Variants in DHRSX observed in about 807,000 individuals in gnomAD.
DHRSX encodes polyprenol dehydrogenase.
A neutral mutation model predicts 34.0 loss-of-function variants in DHRSX; 31 were observed. That is an observed-to-expected ratio of 0.91 (90% CI 0.69 to 1.23). The LOEUF (loss-of-function observed/expected upper bound fraction) is 1.23, where lower values mean the gene tolerates loss of function less well. DHRSX is among the 50% of genes most tolerant of loss of function. DHRSX has a pLI of 0.00. For synonymous variants in DHRSX, 201 were observed against 183.8 expected (o/e 1.09, Z -0.76); for missense variants, 414 against 428.1 (o/e 0.97, Z 0.29).
intron 1 of DHRSX, among the ~76,000 whole-genome samples, chrX:2,452,345 T>TTG (rs1289459423): frequency 1.1e-4 from 16 of 149,488 alleles, no homozygotes; most frequent in Admixed American, 7.3e-4. Flanking sequence ...ACTGAAGACG[T>TTG]TCCCTAGGCA....
In DHRSX at chrX:2,284,977, G is replaced by A. The variant is rs139700087; in HGVS notation, c.388+6525C>T. Among the ~76,000 whole-genome samples the A allele has an allele frequency of 4.9e-4, 75 of 152,288 alleles. 1 individual carries two copies. The highest frequency in any genetic ancestry group is 1.8e-3 in the African/African-American group (73 of 41,570). ...AGTCACCCTGGCTGAGCTCAGCTGGGGCTGTTTTCCATGAGACTTGAGGCA... is the reference window on the plus strand; with the variant it reads ...AGTCACCCTGGCTGAGCTCAGCTGGAGCTGTTTTCCATGAGACTTGAGGCA... On this transcript the variant is annotated intron_variant, in intron 4 of 6. Transcript: ENST00000334651.
At chrX:2,295,728 T>C (rs1470330121) in intron 3 of DHRSX, among the ~76,000 whole-genome samples, 2 of 152,158 alleles carry the variant, frequency 1.3e-5, no homozygotes, top group Non-Finnish European at 2.9e-5. Context: ...GTGTAACTAA[T>C]ACACAAAATG....
chrX:2,317,545 T>C (rs2042255561), intron 3 of DHRSX, among the ~76,000 whole-genome samples: 1 of 151,302 alleles, frequency 6.6e-6, no homozygotes, highest in Non-Finnish European at 1.5e-5. Flanking sequence ...AGCCACTGCG[T>C]GCGGCCCTGT....
At position 2,220,866 on chromosome X, in the gene DHRSX, T is replaced by C; in HGVS notation, c.*175A>G. ...CTTGGGGTGATTATCCTCCAAAATG[T>C]TTATTTGGCTTCTTGAAGTTCTGCA... On this transcript the variant is annotated 3_prime_UTR_variant, in exon 7 of 7. Coordinates refer to ENST00000334651, the MANE Select transcript of DHRSX (RefSeq NM_145177.3). 1.7e-6 allele frequency: 1 copy of C among 573,944 alleles called. No homozygotes were observed. 35.6% of individuals were successfully genotyped at this position (573,944 alleles called of 1,614,324 possible). A position where few individuals can be genotyped will look rare whatever the true frequency, so the allele number is the denominator to read the frequency against.
intron 3 of DHRSX, among the ~76,000 whole-genome samples, chrX:2,401,061 T>C (rs2043479317): frequency 6.6e-6 from 1 of 151,870 alleles, no homozygotes; most frequent in African/African-American, 2.4e-5. Flanking sequence ...CTAGTCCCTC[T>C]TCTGATGAAG....
At chrX:2,468,695 C>G (rs28412126) in intron 1 of DHRSX, among the ~76,000 whole-genome samples, 7 of 147,694 alleles carry the variant, frequency 4.7e-5, no homozygotes, top group Non-Finnish European at 3.0e-5. Context: ...ACTGAAGACG[C>G]TCCCAAAGAA....
chrX:2,325,179 G>A (rs1049424720), intron 3 of DHRSX, among the ~76,000 whole-genome samples: 1 of 152,130 alleles, frequency 6.6e-6, no homozygotes, highest in Non-Finnish European at 1.5e-5. Context: ...TTGTACGGGT[G>A]AATGTCGGGA....
rs182377541 is a variant in DHRSX, at chrX:2,376,501, C to T, written c.286+32244G>A. ...TGATTCTGCCCCTAGCCTTGGGTGA[C>T]GTGGGTTTAACTGTGACCTCACCAA... On this transcript the variant is annotated intron_variant, in intron 3 of 6. Transcript: ENST00000334651. 1.0e-4 allele frequency among the ~76,000 whole-genome samples: 14 copies of T among 137,282 alleles called. 2 individuals carry two copies. The highest frequency in any genetic ancestry group is 4.6e-4 in the South Asian group (2 of 4,318). The allele number at this position is 137,282 out of a possible 152,430, so 90.1% of individuals were successfully genotyped here.
At chrX:2,350,819 G>A (rs2042780208) in intron 3 of DHRSX, among the ~76,000 whole-genome samples, 1 of 152,058 alleles carries the variant, frequency 6.6e-6, no homozygotes, top group Non-Finnish European at 1.5e-5. Flanking sequence ...GCAAAGACTT[G>A]GAACCAACCC....
chrX:2,275,748 C>T (rs2041620780), intron 4 of DHRSX, among the ~76,000 whole-genome samples: 2 of 151,794 alleles, frequency 1.3e-5, no homozygotes, highest in African/African-American at 4.8e-5. Context: ...GAGGTTGTGC[C>T]ACTGCACTCC....
chrX:2,222,105 C>T (rs1256122946), intron 6 of DHRSX, among the ~76,000 whole-genome samples: 1 of 152,204 alleles, frequency 6.6e-6, no homozygotes, highest in Non-Finnish European at 1.5e-5. Flanking sequence ...CCCTTCCAGA[C>T]ACAGAATCTG....
chrX:2,425,220 C>T lies in DHRSX; in HGVS notation c.194G>A (p.Arg65Lys). The T allele has an allele frequency of 6.2e-7, 1 of 1,613,714 alleles. No individual in the cohort carries two copies. Among genetic ancestry groups the T allele is most frequent in the Non-Finnish European group, 8.5e-7 (1 of 1,179,776 alleles). The change falls in exon 2 of 7, where the codon AGA becomes AAA. Residue 65 changes from arginine to lysine, a missense_variant. Arg to Lys is a conservative substitution (Grantham distance 26, BLOSUM62 2). Transcript: ENST00000334651. ...IGYSTAKHLARLGMHVIIAGN... is the reference protein window; with the variant it reads ...IGYSTAKHLAKLGMHVIIAGN... ...ACCTATGATAACATGCATGCCAAGT[C>T]TCGCCAGATGCTTCGCTGTAGAATA... is the stretch of plus-strand genomic sequence containing the variant.
At chrX:2,248,310 G>A (rs1179011064) in intron 5 of DHRSX, among the ~76,000 whole-genome samples, 2 of 152,014 alleles carry the variant, frequency 1.3e-5, no homozygotes, top group Non-Finnish European at 2.9e-5. Flanking sequence ...GTGGGCGCCC[G>A]TAGTCCTAGC....
intron 6 of DHRSX, 70 bp downstream of exon 6, chrX:2,242,953 G>A: frequency 4.7e-6 from 7 of 1,491,680 alleles, no homozygotes; most frequent in Non-Finnish European, 6.5e-6. Flanking sequence ...CTTGGGGTCT[G>A]GACTGGGGAC....
At chrX:2,323,089 G>A (rs1298161114) in intron 3 of DHRSX, among the ~76,000 whole-genome samples, 1 of 151,654 alleles carries the variant, frequency 6.6e-6, no homozygotes, top group Non-Finnish European at 1.5e-5. Context: ...GCTAATTTTT[G>A]TATCAAGGTC....
chrX:2,333,803 T>C (rs1347822402), intron 3 of DHRSX, among the ~76,000 whole-genome samples: 1 of 152,174 alleles, frequency 6.6e-6, no homozygotes, highest in African/African-American at 2.4e-5. Flanking sequence ...AGGCCACCTT[T>C]ACTCAATGTT....
intron 1 of DHRSX, among the ~76,000 whole-genome samples, chrX:2,435,862 C>A (rs150589405): frequency 0.11 from 16,596 of 152,264 alleles, 1,249 homozygotes; most frequent in Middle Eastern, 0.19. Context: ...AAAGTCCTAT[C>A]CTTCTTGATC....
chrX:2,446,602 C>A (rs1170150435), intron 1 of DHRSX, among the ~76,000 whole-genome samples: 2 of 151,714 alleles, frequency 1.3e-5, no homozygotes, highest in Non-Finnish European at 2.9e-5. Flanking sequence ...TCCATGTACA[C>A]ACTGAAGACA....
intron 4 of DHRSX, among the ~76,000 whole-genome samples, chrX:2,275,154 T>G (rs2041608592): frequency 6.6e-6 from 1 of 152,112 alleles, no homozygotes; most frequent in Non-Finnish European, 1.5e-5. Context: ...ATTCTATTTA[T>G]TTATTTTTGT....
Sources: gnomAD v4.1 joint callset for allele counts (sites outside exome capture counted in the v4.1 genomes callset) on GRCh38, gnomAD v4.1.1 for gene constraint, MANE v1.5 for transcripts, NCBI Gene and HGNC (gene_info 2026-07-23, HGNC 2026-07-21) for gene names.